Variants in DPYSL3 observed in about 807,000 individuals in gnomAD.
DPYSL3 encodes dihydropyrimidinase like 3.
In DPYSL3, 16 loss-of-function variants were observed where a neutral mutation model predicts 66.1. The ratio of observed to expected loss-of-function variants is 0.24; its 90% CI spans 0.16 to 0.37. The LOEUF is 0.37. Among genes scored for constraint, DPYSL3 ranks in the 10% least tolerant of loss-of-function variants. DPYSL3 has a pLI of 1.00. For synonymous variants in DPYSL3, 338 were observed against 345.1 expected (o/e 0.98, Z 0.23); for missense variants, 738 against 916.2 (o/e 0.81, Z 2.51).
intron 1 of DPYSL3, among the ~76,000 whole-genome samples, chr5:147,486,048 C>T (rs1379261145): frequency 6.6e-6 from 1 of 152,108 alleles, no homozygotes; most frequent in Non-Finnish European, 1.5e-5. Flanking sequence ...TGACACATGC[C>T]ACAACATGGA....
chr5:147,460,111 A>T (rs1752911144), intron 1 of DPYSL3, among the ~76,000 whole-genome samples: 1 of 151,040 alleles, frequency 6.6e-6, no homozygotes, highest in Admixed American at 6.6e-5. Context: ...ACTCCGTCTC[A>T]GAAAAAAAAA....
At chr5:147,482,603 C>T (rs1020625659) in intron 1 of DPYSL3, among the ~76,000 whole-genome samples, 11 of 152,186 alleles carry the variant, frequency 7.2e-5, no homozygotes, top group African/African-American at 2.7e-4. Context: ...CACTGAGCTT[C>T]CTCAGAGGCC....
chr5:147,480,056 T>C (rs1753212796), intron 1 of DPYSL3, among the ~76,000 whole-genome samples: 1 of 152,212 alleles, frequency 6.6e-6, no homozygotes, highest in South Asian at 2.1e-4. Context: ...ACTTGGCTAC[T>C]ACTCTGCAAA....
Position 147,394,151 on chromosome 5 carries a change from GA to G in DPYSL3, c.1967-29del, listed in dbSNP as rs3838662. The G allele has an allele frequency of 8.5e-3, 12,105 of 1,429,750 alleles. 52 individuals carry two copies. The highest frequency in any genetic ancestry group is 0.015 in the Middle Eastern group (79 of 5,372). 88.6% of individuals were successfully genotyped at this position (1,429,750 alleles called of 1,614,324 possible). ...ACAGTTGGAAATAAATTCCCAGGGGGAAAAAAAAAACAGAGTGGCGGGTAGG... is the reference window on the plus strand; with the variant it reads ...ACAGTTGGAAATAAATTCCCAGGGGGAAAAAAAAACAGAGTGGCGGGTAGG... On this transcript the variant is annotated intron_variant, in intron 13 of 13. Coordinates refer to ENST00000343218, the MANE Select transcript of DPYSL3 (RefSeq NM_001197294.2).
chr5:147,494,517 A>C (rs894121730), intron 1 of DPYSL3, among the ~76,000 whole-genome samples: 1 of 151,930 alleles, frequency 6.6e-6, no homozygotes, highest in African/African-American at 2.4e-5. Flanking sequence ...GATACAAATT[A>C]CTAATATCAG....
intron 1 of DPYSL3, among the ~76,000 whole-genome samples, chr5:147,446,996 G>C (rs1415953694): frequency 5.9e-5 from 9 of 152,192 alleles, no homozygotes; most frequent in Admixed American, 5.9e-4. Context: ...ATTCACCTTT[G>C]CAGGGATCAA....
At chr5:147,482,643 G>T (rs896554477) in intron 1 of DPYSL3, among the ~76,000 whole-genome samples, 1 of 152,208 alleles carries the variant, frequency 6.6e-6, no homozygotes, top group African/African-American at 2.4e-5. Context: ...GCACATAAAA[G>T]GAAGGTTGAG....
chr5:147,413,023 C>T (rs1325637544), intron 5 of DPYSL3, among the ~76,000 whole-genome samples: 1 of 152,188 alleles, frequency 6.6e-6, no homozygotes, highest in Non-Finnish European at 1.5e-5. Context: ...GAATTCTTCT[C>T]AACAAATGCT....
intron 9 of DPYSL3, 46 bp downstream of exon 9, chr5:147,401,491 CAAG>C (rs1420091041): frequency 6.4e-7 from 1 of 1,558,808 alleles, no homozygotes; most frequent in Admixed American, 1.9e-5. Flanking sequence ...CAGCTGGACT[CAAG>C]AGATGTTTTC....
intron 1 of DPYSL3, chr5:147,453,619 C>T (rs1480958651): frequency 6.6e-7 from 1 of 1,525,130 alleles, no homozygotes; most frequent in African/African-American, 1.4e-5. Context: ...GGCTGGCTCC[C>T]TCCCTCCTTC....
At chr5:147,479,062 G>A (rs1178139841) in intron 1 of DPYSL3, among the ~76,000 whole-genome samples, 1 of 152,078 alleles carries the variant, frequency 6.6e-6, no homozygotes, top group African/African-American at 2.4e-5. Flanking sequence ...AGTACATCAT[G>A]AGTTAATTAA....
At chr5:147,492,150 A>T (rs1753425500) in intron 1 of DPYSL3, among the ~76,000 whole-genome samples, 1 of 152,174 alleles carries the variant, frequency 6.6e-6, no homozygotes. Flanking sequence ...TTAAATATTC[A>T]GAGAAATAAA....
chr5:147,394,583 T>C (rs914649652), intron 13 of DPYSL3, among the ~76,000 whole-genome samples: 19 of 151,900 alleles, frequency 1.3e-4, no homozygotes, highest in African/African-American at 4.6e-4. Context: ...CAGGTCTTTG[T>C]GACAACAGCA....
chr5:147,411,227 C>T (rs923099902), intron 6 of DPYSL3, among the ~76,000 whole-genome samples: 5 of 152,206 alleles, frequency 3.3e-5, no homozygotes, highest in African/African-American at 4.8e-5. Context: ...TGGAAGTGGG[C>T]GAAAGTGCTG....
At chr5:147,496,327 A>T (rs559581490) in intron 1 of DPYSL3, among the ~76,000 whole-genome samples, 2 of 152,362 alleles carry the variant, frequency 1.3e-5, no homozygotes, top group African/African-American at 2.4e-5. Context: ...ACCATTCAGG[A>T]CATACGCATG....
chr5:147,393,005 T>A lies in DPYSL3; in HGVS notation c.*1030A>T, dbSNP rs1443988781. On this transcript the variant is annotated 3_prime_UTR_variant, in exon 14 of 14. Transcript: ENST00000343218. The stretch of plus-strand genomic sequence containing the variant: ...CATGGATGTGCCAGGATCGAGAGAA[T>A]CAAACACAAACTGCCTGTAAGAGAG... 1 of 152,174 alleles carries A rather than the reference T, an allele frequency of 6.6e-6. No homozygotes were observed. Among genetic ancestry groups the A allele is most frequent in the African/African-American group, 2.4e-5 (1 of 41,436 alleles). The allele number at this position is 152,174 out of a possible 1,614,324, so 9.4% of individuals were successfully genotyped here.
At chr5:147,482,689 C>T (rs528360817) in intron 1 of DPYSL3, among the ~76,000 whole-genome samples, 9 of 152,268 alleles carry the variant, frequency 5.9e-5, no homozygotes, top group Admixed American at 1.3e-4. Flanking sequence ...TTGTATTGAG[C>T]TTACGCATAA....
At chr5:147,400,979 T>A in intron 9 of DPYSL3, 146 bp from the exon 10 acceptor site, 4 of 1,102,050 alleles carry the variant, frequency 3.6e-6, no homozygotes, top group Non-Finnish European at 5.0e-6. Flanking sequence ...ATATATGAGC[T>A]TGGATGAGTT....
chr5:147,443,862 A>G (rs963539933), intron 1 of DPYSL3, among the ~76,000 whole-genome samples: 2 of 152,146 alleles, frequency 1.3e-5, no homozygotes, highest in Non-Finnish European at 2.9e-5. Context: ...TTGTGTAAGT[A>G]TAACAGTGTG....
Sources: allele counts gnomAD v4.1 joint callset (sites outside exome capture counted in the v4.1 genomes callset), GRCh38; gene constraint gnomAD v4.1.1; transcripts MANE v1.5; gene names NCBI Gene and HGNC (gene_info 2026-07-23, HGNC 2026-07-21).